Variants in MRPS31 observed in about 807,000 individuals in gnomAD.
MRPS31 encodes small ribosomal subunit protein mS31.
Under a neutral mutation model 43.1 loss-of-function variants are expected in MRPS31, and 32 were observed. That is an observed-to-expected ratio of 0.74 (90% confidence interval 0.56 to 1.00). MRPS31 has a LOEUF of 1.00. Among genes scored for constraint, MRPS31 ranks in the 50% least tolerant of loss-of-function variants. MRPS31 has a pLI of 0.00. For synonymous variants in MRPS31, 165 were observed against 161.6 expected, an observed-to-expected ratio of 1.02 and a Z score of -0.16; for missense variants, 437 against 466.7, an observed-to-expected ratio of 0.94 and a Z score of 0.59.
intron 6 of MRPS31, among the ~76,000 whole-genome samples, chr13:40,736,880 G>A (rs201185779): frequency 0.34 from 49,240 of 144,542 alleles, 7,686 homozygotes; most frequent in East Asian, 0.57. Flanking sequence ...CAACTAACGA[G>A]CAAAATAACC....
intron 6 of MRPS31, among the ~76,000 whole-genome samples, chr13:40,734,801 T>A (rs1879828593): frequency 6.6e-6 from 1 of 151,954 alleles, no homozygotes; most frequent in African/African-American, 2.4e-5. Context: ...AAGGCTGAGA[T>A]GGGAGGATCA....
chr13:40,762,032 A>AG (rs1880711519), intron 2 of MRPS31, among the ~76,000 whole-genome samples: 1 of 151,978 alleles, frequency 6.6e-6, no homozygotes, highest in Admixed American at 6.6e-5. Context: ...ACTTGAGTCC[A>AG]GGAGTTCATG....
At chr13:40,768,425 T>C (rs1388391979) in intron 1 of MRPS31, among the ~76,000 whole-genome samples, 3 of 144,412 alleles carry the variant, frequency 2.1e-5, no homozygotes, top group African/African-American at 5.3e-5. Flanking sequence ...TGGAAGTCTT[T>C]AATATGCATA....
intron 6 of MRPS31, among the ~76,000 whole-genome samples, chr13:40,747,177 C>T (rs1192553437): frequency 6.6e-6 from 1 of 152,016 alleles, no homozygotes; most frequent in East Asian, 1.9e-4. Flanking sequence ...CTCCTGGGTT[C>T]AAGTGATTCT....
chr13:40,740,827 C>G (rs1208464637), intron 6 of MRPS31, among the ~76,000 whole-genome samples: 1 of 147,104 alleles, frequency 6.8e-6, no homozygotes, highest in African/African-American at 2.5e-5. Context: ...GGGAGATATA[C>G]CTAATGCTAG....
chr13:40,753,981 G>A (rs1341563970), intron 5 of MRPS31, 38 bp downstream of exon 5: 8 of 1,267,558 alleles, frequency 6.3e-6, no homozygotes, highest in Non-Finnish European at 9.1e-6. Context: ...ACGATGGAAT[G>A]TTTCTCCACC....
chr13:40,756,895 TCTC>T lies in MRPS31; in HGVS notation c.715_717del (p.Glu239del), dbSNP rs1315817893. 6.2e-7 allele frequency: 1 copy of T among 1,613,668 alleles called. No individual in the cohort carries two copies. The highest frequency in any genetic ancestry group is 2.2e-5 in the East Asian group (1 of 44,848). ...TACCTTTTTTTAAGATCATCCGTCTTCTCCTGGCCAGGATAATTGTCATAGCCT... is the reference window on the plus strand; with the variant it reads ...TACCTTTTTTTAAGATCATCCGTCTTCTGGCCAGGATAATTGTCATAGCCT... On this transcript the variant is annotated inframe_deletion, in exon 4 of 7. Transcript: ENST00000323563.
intron 6 of MRPS31, among the ~76,000 whole-genome samples, chr13:40,736,749 C>T (rs1281834986): frequency 5.4e-5 from 8 of 147,040 alleles, no homozygotes; most frequent in Non-Finnish European, 1.1e-4. Flanking sequence ...TTTGTCACCA[C>T]CAGGCCTGCC....
chr13:40,757,855 TC>T lies in MRPS31; in HGVS notation c.600-843del, dbSNP rs201545554. ...TTCAAACCCTGGACTTAAGTGATCCTCCCAAGGCCGGGTGCAGTGGCTCACG... is the reference window on the plus strand; with the variant it reads ...TTCAAACCCTGGACTTAAGTGATCCTCCAAGGCCGGGTGCAGTGGCTCACG... On this transcript the variant is annotated intron_variant, in intron 3 of 6. Coordinates refer to ENST00000323563, the MANE Select transcript of MRPS31 (RefSeq NM_005830.4). Among the ~76,000 whole-genome samples, 1,245 of 147,418 alleles carry T rather than the reference TC, an allele frequency of 8.4e-3. 27 individuals are homozygous for T. Among genetic ancestry groups the T allele is most frequent in the African/African-American group, 0.029 (1,166 of 40,368 alleles).
intron 1 of MRPS31, 37 bp from the exon 2 acceptor site, chr13:40,767,070 A>G: frequency 5.3e-6 from 8 of 1,522,118 alleles, no homozygotes; most frequent in Non-Finnish European, 5.3e-6. Flanking sequence ...TGAAAAATAC[A>G]ATGCAGTCTA....
chr13:40,754,764 C>T (rs978444370), intron 4 of MRPS31, among the ~76,000 whole-genome samples: 3 of 152,164 alleles, frequency 2.0e-5, no homozygotes, highest in African/African-American at 7.2e-5. Flanking sequence ...CGAGGTGGCT[C>T]ACGCCTGTAA....
At chr13:40,770,260 C>T (rs1336503825) in intron 1 of MRPS31, among the ~76,000 whole-genome samples, 1 of 152,210 alleles carries the variant, frequency 6.6e-6, no homozygotes, top group Non-Finnish European at 1.5e-5. Context: ...CTGTACTTAA[C>T]CAAACTGCCT....
chr13:40,767,081 C>T (rs1880872149), intron 1 of MRPS31, 48 bp from the exon 2 acceptor site: 1 of 1,432,094 alleles, frequency 7.0e-7, no homozygotes, highest in East Asian at 2.4e-5. Context: ...ATGCAGTCTA[C>T]AATAAAGTAA....
chr13:40,748,189 C>T (rs1880292097), intron 6 of MRPS31, among the ~76,000 whole-genome samples: 1 of 152,154 alleles, frequency 6.6e-6, no homozygotes, highest in Non-Finnish European at 1.5e-5. Flanking sequence ...TGGAGTTTCA[C>T]TCTTGTTGCC....
chr13:40,748,456 A>C (rs1248900882), intron 6 of MRPS31, among the ~76,000 whole-genome samples: 2 of 152,242 alleles, frequency 1.3e-5, no homozygotes, highest in African/African-American at 4.8e-5. Context: ...ACCCAGCCAT[A>C]AATCTTTTCT....
At chr13:40,743,973 G>A (rs1426484227) in intron 6 of MRPS31, among the ~76,000 whole-genome samples, 1 of 152,134 alleles carries the variant, frequency 6.6e-6, no homozygotes, top group Non-Finnish European at 1.5e-5. Context: ...ATGGTGGACT[G>A]GATAAAGAAA....
chr13:40,755,248 T>C (rs984208371), intron 4 of MRPS31, among the ~76,000 whole-genome samples: 2 of 152,222 alleles, frequency 1.3e-5, no homozygotes, highest in African/African-American at 4.8e-5. Context: ...TTACGCTCCA[T>C]AACTCTCTTC....
intron 1 of MRPS31, among the ~76,000 whole-genome samples, chr13:40,767,915 G>C (rs370875804): frequency 6.6e-6 from 1 of 152,026 alleles, no homozygotes; most frequent in African/African-American, 2.4e-5. Context: ...CATTGTCATC[G>C]AGCTACATGC....
intron 1 of MRPS31, chr13:40,770,679 A>G: frequency 2.7e-6 from 1 of 365,542 alleles, no homozygotes; most frequent in South Asian, 2.3e-5. Flanking sequence ...TAAAGAATAA[A>G]TGAAGGAAAA....
Sources: allele counts gnomAD v4.1 joint callset (sites outside exome capture counted in the v4.1 genomes callset), GRCh38; gene constraint gnomAD v4.1.1; transcripts MANE v1.5; gene names NCBI Gene and HGNC (gene_info 2026-07-23, HGNC 2026-07-21).